The following SLC6A16 variants were observed in gnomAD, a reference collection of about 807,000 sequenced individuals.
SLC6A16 encodes the protein orphan sodium- and chloride-dependent neurotransmitter transporter NTT5.
In SLC6A16, 54 loss-of-function variants were observed where a neutral mutation model predicts 65.4. The ratio of observed to expected loss-of-function variants is 0.83; its 90% CI spans 0.66 to 1.04. The LOEUF is 1.04. SLC6A16 is among the 50% of genes least tolerant of loss of function. The pLI is 0.00. For synonymous variants in SLC6A16, 330 were observed against 346.5 expected, an observed-to-expected ratio of 0.95 and a Z score of 0.53; for missense variants, 816 against 914.0, an observed-to-expected ratio of 0.89 and a Z score of 1.38.
chr19:49,332,430 C>T, the SLC6A16 span: 712 of 375,614 alleles, frequency 1.9e-3, 11 homozygotes, highest in Non-Finnish European at 2.3e-4. Flanking sequence ...TGGCAGGCGC[C>T]TGCCTGTAAT....
the SLC6A16 span, chr19:49,337,113 G>A: frequency 1.2e-6 from 2 of 1,613,980 alleles, no homozygotes; most frequent in East Asian, 2.2e-5. Flanking sequence ...GGTTGCAGGG[G>A]TGGTCAGCCT....
At chr19:49,316,857 CA>C (rs34224524) in intron 1 of SLC6A16, among the ~76,000 whole-genome samples, 35,742 of 123,462 alleles carry the variant, frequency 0.29, 4,515 homozygotes, top group African/African-American at 0.32. Context: ...CCATCTCTAC[CA>C]AAAAAAAAAA....
intron 7 of SLC6A16, among the ~76,000 whole-genome samples, chr19:49,302,508 C>G (rs1057403087): frequency 4.6e-5 from 7 of 152,182 alleles, no homozygotes; most frequent in African/African-American, 1.7e-4. Flanking sequence ...GAGCACCACT[C>G]TTCTCCCCAA....
chr19:49,319,157 G>T (rs1286552157), intron 1 of SLC6A16, among the ~76,000 whole-genome samples: 1 of 144,500 alleles, frequency 6.9e-6, no homozygotes, highest in Admixed American at 6.9e-5. Flanking sequence ...GAAGCACAAA[G>T]AAAAAAAAAA....
the SLC6A16 span, among the ~76,000 whole-genome samples, chr19:49,332,724 C>T: frequency 6.6e-6 from 1 of 152,146 alleles, no homozygotes; most frequent in Non-Finnish European, 1.5e-5. Context: ...TTGGAGAACG[C>T]CATGCAACCC....
At chr19:49,297,749 C>A (rs1474838951) in intron 7 of SLC6A16, among the ~76,000 whole-genome samples, 1 of 152,002 alleles carries the variant, frequency 6.6e-6, no homozygotes, top group African/African-American at 2.4e-5. Context: ...TGGAATAATA[C>A]TTAGGAATAA....
chr19:49,297,912 T>C (rs12982246), intron 7 of SLC6A16, among the ~76,000 whole-genome samples: 37,093 of 151,858 alleles, frequency 0.24, 4,779 homozygotes, highest in South Asian at 0.4. Flanking sequence ...AGAAAACAGA[T>C]TGGTGATTAA....
Position 49,308,988 on chromosome 19 carries a change from C to A in SLC6A16, c.1117G>T (p.Asp373Tyr), listed in dbSNP as rs1358562192. 3.1e-6 allele frequency: 5 copies of A among 1,614,072 alleles called. No homozygotes were observed. The African/African-American group carries it at 6.7e-5, about 22-fold the overall frequency. Residue 373 changes from aspartate to tyrosine, a missense_variant, in exon 7 of 12, where the codon GAT becomes TAT. By Grantham distance (160) the Asp-to-Tyr change is radical. Transcript: ENST00000335875. ...YMPQSNNCLS[D>Y]AFLVSVINLL... The stretch of plus-strand genomic sequence containing the variant: ...TTTATCACAGACACGAGAAAGGCAT[C>A]ACTGAGACAGTTGTTGGACTGGGGC...
In SLC6A16 at chr19:49,290,643, T is replaced by TACAAAGATGAACCATCATGGTC; in HGVS notation, c.1881_1902dup (p.Met635AspfsTer58). 6.2e-7 allele frequency: 1 copy of TACAAAGATGAACCATCATGGTC among 1,614,080 alleles called. No homozygotes were observed. Among genetic ancestry groups the TACAAAGATGAACCATCATGGTC allele is most frequent in the Admixed American group, 1.7e-5 (1 of 60,016 alleles). On this transcript the variant is annotated frameshift_variant, in exon 11 of 12. Transcript: ENST00000335875. LOFTEE classifies it high-confidence loss of function. ...CAGGACATGTAGGTGATCGGCTTCATACAAAGATGAACCATCATGGTCACA... is the reference window on the plus strand; with the variant it reads ...CAGGACATGTAGGTGATCGGCTTCATACAAAGATGAACCATCATGGTCACAAAGATGAACCATCATGGTCACA...
chr19:49,311,859 G>GAA (rs891079475), intron 1 of SLC6A16, among the ~76,000 whole-genome samples: 1 of 120,796 alleles, frequency 8.3e-6, no homozygotes, highest in African/African-American at 3.0e-5. Flanking sequence ...AAAAAAAAAA[G>GAA]AAAAAAAAAA....
Position 49,294,516 on chromosome 19 carries a change from T to C in SLC6A16, c.1267A>G (p.Lys423Glu). 2 of 1,613,276 alleles carry C rather than the reference T, an allele frequency of 1.2e-6. No homozygotes were observed. The highest frequency in any genetic ancestry group is 1.7e-6 in the Non-Finnish European group (2 of 1,179,712). ...GGGGGCTTGGCATCAGGAGGCAGTT[T>C]CCCTAGGTTTATCAGCTTTAAAAGT... ...EILLKLINLG[K>E]LPPDAKPPVN... Residue 423 changes from lysine to glutamate, a missense_variant, in exon 8 of 12, where the codon AAA (lysine) becomes GAA (glutamate). Lys to Glu is a moderately conservative substitution (Grantham distance 56). Coordinates refer to ENST00000335875, the MANE Select transcript of SLC6A16 (RefSeq NM_014037.3).
At chr19:49,318,031 G>C (rs1029177141) in intron 1 of SLC6A16, among the ~76,000 whole-genome samples, 6 of 152,128 alleles carry the variant, frequency 3.9e-5, no homozygotes, top group African/African-American at 1.4e-4. Context: ...GAAGGCTTAG[G>C]TGACTAGAAT....
the SLC6A16 span, chr19:49,338,147 C>T: frequency 6.8e-7 from 1 of 1,466,864 alleles, no homozygotes; most frequent in South Asian, 1.4e-5. The surrounding 1 kb of genome is among the most constrained non-coding windows in gnomAD (Gnocchi z 5.0). Context: ...ACACCCCAAT[C>T]CCTCCCAGGC....
chr19:49,335,798 T>A, the SLC6A16 span: 1 of 1,464,686 alleles, frequency 6.8e-7, no homozygotes, highest in East Asian at 2.3e-5. This position sits in a 1 kb window ranked among gnomAD's most constrained non-coding sequence, Gnocchi z 4.6. Flanking sequence ...TGAGGGGGGC[T>A]GGGGCAGGTG....
intron 1 of SLC6A16, among the ~76,000 whole-genome samples, chr19:49,319,291 G>T (rs1418220487): frequency 1.3e-5 from 2 of 151,910 alleles, no homozygotes; most frequent in Non-Finnish European, 2.9e-5. Context: ...TTTCCAACAA[G>T]CCAGATGCCC....
At chr19:49,338,802 T>C in the SLC6A16 span, 2 of 1,613,724 alleles carry the variant, frequency 1.2e-6, no homozygotes, top group East Asian at 2.2e-5. The surrounding 1 kb of genome is among the most constrained non-coding windows in gnomAD (Gnocchi z 5.0). Flanking sequence ...CTGCTACAAC[T>C]TGTCGGCGAC....
At chr19:49,317,566 G>A (rs1466914093) in intron 1 of SLC6A16, among the ~76,000 whole-genome samples, 2 of 152,144 alleles carry the variant, frequency 1.3e-5, no homozygotes, top group East Asian at 1.9e-4. Context: ...TAGCACTTTA[G>A]GAGGCCGAGG....
chr19:49,312,628 C>A lies in SLC6A16; in HGVS notation c.-64-1217G>T, dbSNP rs79674567. ...GAGTGTGCTGAAAAAAAAAAAGTTA[C>A]ATGAAAGAGAGGAAGAGAGAGGGGA... On this transcript the variant is annotated intron_variant, in intron 1 of 11. Coordinates refer to ENST00000335875, the MANE Select transcript of SLC6A16 (RefSeq NM_014037.3). 8.1e-4 allele frequency: 766 copies of A among 940,312 alleles called. 4 individuals carry two copies. The African/African-American group carries it at 0.013, about 16-fold the overall frequency. The allele number at this position is 940,312 out of a possible 1,614,324, so 58.2% of individuals were successfully genotyped here.
At chr19:49,317,137 TA>T (rs1292192255) in intron 1 of SLC6A16, among the ~76,000 whole-genome samples, 6 of 151,054 alleles carry the variant, frequency 4.0e-5, no homozygotes, top group African/African-American at 1.5e-4. Flanking sequence ...GTCAGGAGTT[TA>T]AGACAAGCCT....
Sources: allele counts gnomAD v4.1 joint callset (sites outside exome capture counted in the v4.1 genomes callset), GRCh38; gene constraint gnomAD v4.1.1; non-coding constraint Gnocchi (gnomAD v3.1); transcripts MANE v1.5; gene names NCBI Gene and HGNC (gene_info 2026-07-23, HGNC 2026-07-21).